Variants in HDAC10 observed in about 807,000 individuals in gnomAD.
The protein encoded by HDAC10 is polyamine deacetylase HDAC10.
A neutral mutation model predicts 82.3 loss-of-function variants in HDAC10; 90 were observed. That is an observed-to-expected ratio of 1.09 (90% CI 0.92 to 1.30). The LOEUF (loss-of-function observed/expected upper bound fraction) is 1.30, where lower values mean the gene tolerates loss of function less well. HDAC10 is among the 50% of genes most tolerant of loss of function. HDAC10 has a pLI of 0.00. For missense variants in HDAC10, 934 were observed against 876.3 expected (o/e 1.07, Z -0.83); for synonymous variants, 456 against 391.7 (o/e 1.16, Z -1.94).
In HDAC10 at chr22:50,247,746, G is replaced by T. The variant is rs375293303; in HGVS notation, c.1368C>A (p.Ala456=). 14 of 1,605,094 alleles carry T rather than the reference G, an allele frequency of 8.7e-6. No homozygotes were observed. The African/African-American group carries it at 1.9e-4, about 21-fold the overall frequency. ...ACAGGAGCTTCCCAAGTGCAGTGAGGGCCTCCTCCCGGGCCAGGGACTCGT... is the reference window on the plus strand; with the variant it reads ...ACAGGAGCTTCCCAAGTGCAGTGAGTGCCTCCTCCCGGGCCAGGGACTCGT... ...RPHESLAREE[A]LTALGKLLYL... is the part of the protein sequence containing the mutation. Residue 456 remains alanine (A), a synonymous_variant, in exon 14 of 20, where the codon GCC becomes GCA. Transcript: ENST00000216271.
In HDAC10 at chr22:50,248,073, C is replaced by T. The variant is rs1416538841; in HGVS notation, c.1154G>A (p.Gly385Asp). 2 of 1,603,204 alleles carry T rather than the reference C, an allele frequency of 1.2e-6. No homozygotes were observed. The change falls in exon 13 of 20, where the codon GGT becomes GAT. Residue 385 changes from glycine to aspartate, a missense_variant. Physicochemically the swap from Gly to Asp is moderately conservative, Grantham distance 94. Coordinates refer to ENST00000216271, the MANE Select transcript of HDAC10 (RefSeq NM_032019.6). This position sits in a 1 kb window ranked among gnomAD's most constrained non-coding sequence, Gnocchi z 5.4. ...AGATGCAGCTGCCTTACACACTGGA[C>T]CCCCAGGCAGCAGAGGTGGAGGCCT... The part of the protein sequence containing the change: ...EGRPPPLLPG[G>D]PVCKAAASAP...
In HDAC10 at chr22:50,246,363, G is replaced by T; in HGVS notation, c.1585C>A (p.Leu529Met). 6.2e-7 allele frequency: 1 copy of T among 1,612,364 alleles called. No homozygotes were observed. ...GCCGCCTCCTTGCCCCTGATGTTCAGCCACAGACTCCTCCTTCCAGGACAC... is the reference window on the plus strand; with the variant it reads ...GCCGCCTCCTTGCCCCTGATGTTCATCCACAGACTCCTCCTTCCAGGACAC... ...DLAHDGRSLW[L>M]NIRGKEAAAL... The change falls in exon 17 of 20, where the codon CTG becomes ATG. Residue 529 changes from leucine to methionine, a missense_variant. Physicochemically the swap from Leu to Met is conservative, Grantham distance 15. Transcript: ENST00000216271.
At position 50,245,678 on chromosome 22, in the gene HDAC10, C is replaced by T; in HGVS notation, c.1983G>A (p.Leu661=). The stretch of plus-strand genomic sequence containing the variant: ...ATGCCTCCGCAGTCAGCCTCACCTG[C>T]AACATCTTCCACTGAGGCTCCAGCT... ...RGQLEPQWKM[L]QCHPHLVA is the part of the protein sequence containing the mutation. The change falls in exon 19 of 20, where the codon TTG becomes TTA. Residue 661 remains leucine, a synonymous_variant. Transcript: ENST00000216271. 3 of 1,613,040 alleles carry T rather than the reference C, an allele frequency of 1.9e-6. No homozygotes were observed. The highest frequency in any genetic ancestry group is 2.5e-6 in the Non-Finnish European group (3 of 1,179,844).
At chr22:50,247,417 G>C (rs532098980) in intron 14 of HDAC10, 1 of 390,978 alleles carries the variant, frequency 2.6e-6, no homozygotes, top group East Asian at 4.0e-5. Context: ...ACAGGCATGA[G>C]CCACTGCACC....
At chr22:50,246,816 G>A in intron 15 of HDAC10, 59 bp downstream of exon 15, 3 of 1,596,132 alleles carry the variant, frequency 1.9e-6, no homozygotes, top group Non-Finnish European at 2.6e-6. Context: ...TGGCCAGCCA[G>A]GATAGGGGTG....
At chr22:50,247,616 G>A (rs768269316) in intron 14 of HDAC10, 76 bp downstream of exon 14, 2 of 1,050,630 alleles carry the variant, frequency 1.9e-6, no homozygotes, top group Non-Finnish European at 2.8e-6. Context: ...CCTCTGGACA[G>A]GCCACATCTC....
In HDAC10 at chr22:50,249,280, C is replaced by T. The variant is rs1285261182; in HGVS notation, c.690+48G>A. On this transcript the variant is annotated intron_variant, in intron 7 of 19. Coordinates refer to ENST00000216271, the MANE Select transcript of HDAC10 (RefSeq NM_032019.6). The surrounding 1 kb of genome is among the most constrained non-coding windows in gnomAD (Gnocchi z 4.4). ...GGTGAACTGTGGGGGAGGGGAGGGGCCCAGGGGGAGGGGGCTGGGTGGGGA... is the reference window on the plus strand; with the variant it reads ...GGTGAACTGTGGGGGAGGGGAGGGGTCCAGGGGGAGGGGGCTGGGTGGGGA... 3 of 1,486,644 alleles carry T rather than the reference C, an allele frequency of 2.0e-6. No individual in the cohort carries two copies. The highest frequency in any genetic ancestry group is 2.0e-5 in the Admixed American group (1 of 48,970). 92.1% of individuals were successfully genotyped at this position (1,486,644 alleles called of 1,614,324 possible).
intron 3 of HDAC10, 94 bp downstream of exon 3, chr22:50,250,332 AG>A: frequency 7.7e-7 from 1 of 1,295,602 alleles, no homozygotes; most frequent in Non-Finnish European, 1.1e-6. Context: ...TGTATGGACC[AG>A]GGGACACTGG....
Position 50,245,834 on chromosome 22 carries a change from CA to C in HDAC10, c.1834-8del, listed in dbSNP as rs763989471. On this transcript the variant is annotated splice_polypyrimidine_tract_variant and splice_region_variant and intron_variant, in intron 18 of 19. Coordinates refer to ENST00000216271, the MANE Select transcript of HDAC10 (RefSeq NM_032019.6). ...CTAGCTGGGGTGTGGAGTTCTGGAC[CA>C]GGGGCGAAGACGGAAGCAGTCACTG... 30 of 1,564,510 alleles carry C rather than the reference CA, an allele frequency of 1.9e-5. 1 individual carries two copies. Among genetic ancestry groups the C allele is most frequent in the African/African-American group, 8.2e-5 (6 of 73,608 alleles).
chr22:50,249,568 C>T lies in HDAC10; in HGVS notation c.563+67G>A. 1 of 1,607,836 alleles carries T rather than the reference C, an allele frequency of 6.2e-7. No individual in the cohort carries two copies. Among genetic ancestry groups the T allele is most frequent in the Middle Eastern group, 1.7e-4 (1 of 6,054 alleles). ...TGTCTGTATCTCACCCCTGGATTTT[C>T]CCAGGCCAGGCTGTGCACCCAAAAA... is the stretch of plus-strand genomic sequence containing the variant. On this transcript the variant is annotated intron_variant, in intron 6 of 19. Transcript: ENST00000216271. The surrounding 1 kb of genome is among the most constrained non-coding windows in gnomAD (Gnocchi z 4.4).
chr22:50,245,302 C>A lies in HDAC10; in HGVS notation c.*205G>T. ...GGCCTCGATGGGACGGGCCGGGGCG[C>A]GATGGGTGGGGCGGGGGCGAGGTGA... On this transcript the variant is annotated 3_prime_UTR_variant, in exon 20 of 20. Coordinates refer to ENST00000216271, the MANE Select transcript of HDAC10 (RefSeq NM_032019.6). The A allele has an allele frequency of 1.7e-6, 1 of 587,968 alleles. No individual in the cohort carries two copies. The highest frequency in any genetic ancestry group is 3.0e-6 in the Non-Finnish European group (1 of 335,284). 36.4% of individuals were successfully genotyped at this position (587,968 alleles called of 1,614,324 possible).
Position 50,248,003 on chromosome 22 carries a change from G to GC in HDAC10, c.1223_1224insG (p.Ser409LeufsTer20). On this transcript the variant is annotated frameshift_variant, in exon 13 of 20. Transcript: ENST00000216271. LOFTEE classifies it high-confidence loss of function. This position sits in a 1 kb window ranked among gnomAD's most constrained non-coding sequence, Gnocchi z 5.4. ...TCAGGGCAACAGCGGTGCGGACAGA[G>GC]GGTGCGGGGCAGAGGCACGGCTGGT... 1 of 1,612,878 alleles carries GC rather than the reference G, an allele frequency of 6.2e-7. No homozygotes were observed. Among genetic ancestry groups the GC allele is most frequent in the Non-Finnish European group, 8.5e-7 (1 of 1,179,966 alleles).
Position 50,250,832 on chromosome 22 carries a change from G to C in HDAC10, c.133C>G (p.Gln45Glu), listed in dbSNP as rs1381261088. 6.2e-7 allele frequency: 1 copy of C among 1,603,244 alleles called. No homozygotes were observed. The highest frequency in any genetic ancestry group is 8.5e-7 in the Non-Finnish European group (1 of 1,176,286). ...CGGGCTGACAACCGCAGACACCTCT[G>C]TTCCAGGCCGCGCTGCCGCAGGCGA... Reference protein sequence around the residue: ...LDRLRQRGLEQRCLRLSAREA... With the variant: ...LDRLRQRGLEERCLRLSAREA... The change falls in exon 2 of 20, where the codon CAG becomes GAG. Residue 45 changes from glutamine to glutamate, a missense_variant. Coordinates refer to ENST00000216271, the MANE Select transcript of HDAC10 (RefSeq NM_032019.6).
chr22:50,251,034 G>A lies in HDAC10; in HGVS notation c.-2C>T, dbSNP rs376436765. ...ATGGTACACAAGCGCGGTCCCCATG[G>A]CTGCGCCGTGGTCACCCTGGGTTCC... On this transcript the variant is annotated 5_prime_UTR_variant, in exon 1 of 20. Coordinates refer to ENST00000216271, the MANE Select transcript of HDAC10 (RefSeq NM_032019.6). 2 of 1,609,114 alleles carry A rather than the reference G, an allele frequency of 1.2e-6. No homozygotes were observed. The highest frequency in any genetic ancestry group is 2.7e-5 in the African/African-American group (2 of 74,858).
Position 50,249,133 on chromosome 22 carries a change from G to A in HDAC10, c.726C>T (p.Phe242=). The A allele has an allele frequency of 6.2e-7, 1 of 1,604,132 alleles. No individual in the cohort carries two copies. The highest frequency in any genetic ancestry group is 8.5e-7 in the Non-Finnish European group (1 of 1,176,162). ...AGGCCAGTGGGAGCAGCAGGTGCAGGAAGGCAGCCACGTAGTCAGCGTTTC... is the reference window on the plus strand; with the variant it reads ...AGGCCAGTGGGAGCAGCAGGTGCAGAAAGGCAGCCACGTAGTCAGCGTTTC... ...GMGNADYVAA[F]LHLLLPLAFE... The change falls in exon 8 of 20, where the codon TTC becomes TTT. Residue 242 remains phenylalanine (F), a synonymous_variant. Transcript: ENST00000216271. This position sits in a 1 kb window ranked among gnomAD's most constrained non-coding sequence, Gnocchi z 4.4.
chr22:50,249,259 AAC>A lies in HDAC10; in HGVS notation c.690+67_690+68del. The A allele has an allele frequency of 7.8e-7, 1 of 1,286,538 alleles. No individual in the cohort carries two copies. The highest frequency in any genetic ancestry group is 1.1e-6 in the Non-Finnish European group (1 of 945,246). The allele number at this position is 1,286,538 out of a possible 1,614,324, so 79.7% of individuals were successfully genotyped here. Reference sequence around the variant, plus strand: ...GGTGGGGACCTGGGGCTTGAGGGTGAACTGTGGGGGAGGGGAGGGGCCCAGGG... The same window carrying A: ...GGTGGGGACCTGGGGCTTGAGGGTGATGTGGGGGAGGGGAGGGGCCCAGGG... On this transcript the variant is annotated intron_variant, in intron 7 of 19. Transcript: ENST00000216271. The surrounding 1 kb of genome is among the most constrained non-coding windows in gnomAD (Gnocchi z 4.4).
rs779107056 is a variant in HDAC10 at position 50,248,224 on chromosome 22, C to G, written c.1081+1G>C. ...GCAGCCTAGCACCCGGCCACACTGA[C>G]CTTGCTGCTGGAGGCTCTTCCAGTG... On this transcript the variant is annotated splice_donor_variant, in intron 12 of 19. Transcript: ENST00000216271. LOFTEE classifies it high-confidence loss of function. The surrounding 1 kb of genome is among the most constrained non-coding windows in gnomAD (Gnocchi z 5.4). 6 of 1,611,776 alleles carry G rather than the reference C, an allele frequency of 3.7e-6. No individual in the cohort carries two copies. In the South Asian group the frequency reaches 5.5e-5, roughly 15 times the overall value.
intron 3 of HDAC10, 53 bp from the exon 4 acceptor site, chr22:50,250,213 A>T: frequency 6.6e-7 from 1 of 1,512,322 alleles, no homozygotes; most frequent in Middle Eastern, 1.7e-4. Flanking sequence ...TGCCCTTTGC[A>T]GGCCATACCC....
intron 3 of HDAC10, 26 bp downstream of exon 3, chr22:50,250,401 A>C: frequency 6.2e-7 from 1 of 1,603,256 alleles, no homozygotes; most frequent in East Asian, 2.2e-5. Flanking sequence ...GTGTCTGCAC[A>C]GGTGAGTGTG....
Sources: allele counts gnomAD v4.1 joint callset, GRCh38; gene constraint gnomAD v4.1.1; non-coding constraint Gnocchi (gnomAD v3.1); transcripts MANE v1.5; gene names NCBI Gene and HGNC (gene_info 2026-07-23, HGNC 2026-07-21).